ZMYND8: variants seen among roughly 807,000 people sequenced by gnomAD.
ZMYND8 encodes the protein MYND-type zinc finger-containing chromatin reader ZMYND8.
A neutral mutation model predicts 140.8 loss-of-function variants in ZMYND8; 37 were observed. The observed-to-expected ratio is 0.26, with a 90% confidence interval of 0.20 to 0.35. The LOEUF (loss-of-function observed/expected upper bound fraction) is 0.35, where lower values mean the gene tolerates loss of function less well. Among genes scored for constraint, ZMYND8 ranks in the 10% least tolerant of loss-of-function variants. The pLI, the probability that ZMYND8 is intolerant of heterozygous loss-of-function variation, is 1.00. For synonymous variants in ZMYND8, 592 were observed against 597.1 expected, an observed-to-expected ratio of 0.99 and a Z score of 0.12; for missense variants, 1,068 against 1,570.0, an observed-to-expected ratio of 0.68 and a Z score of 5.40.
At chr20:47,253,506 C>T (rs944666589) in intron 12 of ZMYND8, among the ~76,000 whole-genome samples, 2 of 149,326 alleles carry the variant, frequency 1.3e-5, no homozygotes, top group Non-Finnish European at 3.0e-5. Flanking sequence ...CACTGCACTC[C>T]AGCCTGGGCA....
intron 10 of ZMYND8, among the ~76,000 whole-genome samples, chr20:47,280,041 T>C (rs2076506592): frequency 1.3e-5 from 2 of 148,522 alleles, no homozygotes; most frequent in Admixed American, 6.8e-5. Flanking sequence ...GGAGAATGGC[T>C]GAATCCGGGA....
rs764785975 is a variant in ZMYND8, at chr20:47,249,294, T to A, written c.1767A>T (p.Ala589=). 1 of 1,612,324 alleles carries A rather than the reference T, an allele frequency of 6.2e-7. No homozygotes were observed. Among genetic ancestry groups the A allele is most frequent in the East Asian group, 2.2e-5 (1 of 44,876 alleles). The change falls in exon 13 of 23, where the codon GCA becomes GCT. Residue 589 remains alanine, a synonymous_variant. Transcript: ENST00000471951. ...NLDKTIESCK[A]QLGINEISED... ...ACAAAACCAAAGGTATACCTAATTG[T>A]GCTTTGCAACTCTCTATGGTCTTGT...
intron 17 of ZMYND8, 142 bp downstream of exon 17, chr20:47,229,584 G>A (rs1344748066): frequency 8.4e-6 from 6 of 713,132 alleles, no homozygotes; most frequent in African/African-American, 1.8e-5. Context: ...TACCCCCATC[G>A]ATAATGACAA....
chr20:47,335,985 A>G, intron 2 of ZMYND8, among the ~76,000 whole-genome samples: 1 of 152,242 alleles, frequency 6.6e-6, no homozygotes. Flanking sequence ...TGTCAGAGAT[A>G]GAGAGGAGCC....
At chr20:47,349,866 G>T in intron 1 of ZMYND8, 1 of 1,535,624 alleles carries the variant, frequency 6.5e-7, no homozygotes, top group Non-Finnish European at 8.7e-7. Flanking sequence ...CCCACTTGAA[G>T]GATTTCTGCA....
intron 6 of ZMYND8, among the ~76,000 whole-genome samples, chr20:47,291,534 C>T (rs1458703358): frequency 1.3e-5 from 2 of 152,230 alleles, no homozygotes; most frequent in Non-Finnish European, 2.9e-5. Flanking sequence ...GAAGCTATGG[C>T]TTTTGCAGGT....
intron 3 of ZMYND8, among the ~76,000 whole-genome samples, chr20:47,302,135 C>A (rs575851936): frequency 1.3e-5 from 2 of 152,262 alleles, no homozygotes; most frequent in African/African-American, 4.8e-5. Context: ...TCTTCATTAG[C>A]AGCATGAGAA....
chr20:47,294,049 A>G (rs1370718105), intron 5 of ZMYND8, among the ~76,000 whole-genome samples: 1 of 152,010 alleles, frequency 6.6e-6, no homozygotes, highest in Non-Finnish European at 1.5e-5. Context: ...ACTGTGAGTC[A>G]ATTAAACCTC....
At chr20:47,224,081 A>T (rs1890149743) in intron 19 of ZMYND8, among the ~76,000 whole-genome samples, 1 of 152,242 alleles carries the variant, frequency 6.6e-6, no homozygotes, top group Admixed American at 6.5e-5. Flanking sequence ...TTTAGGCCTG[A>T]GAAGAGATCA....
chr20:47,316,824 A>G (rs1178096228), intron 2 of ZMYND8, among the ~76,000 whole-genome samples: 2 of 151,532 alleles, frequency 1.3e-5, no homozygotes, highest in African/African-American at 2.4e-5. Context: ...GAAAGCTAAG[A>G]GTTTCTTTTA....
At chr20:47,231,688 C>A (rs2038506598) in intron 16 of ZMYND8, among the ~76,000 whole-genome samples, 1 of 152,236 alleles carries the variant, frequency 6.6e-6, no homozygotes, top group African/African-American at 2.4e-5. Flanking sequence ...CCACACCAGG[C>A]CGTTGCCAGC....
intron 8 of ZMYND8, chr20:47,285,767 G>A: frequency 2.0e-6 from 2 of 984,594 alleles, no homozygotes; most frequent in Non-Finnish European, 2.4e-6. Flanking sequence ...GAATGTCCAT[G>A]TGTTGTATGT....
At chr20:47,221,556 C>A (rs2036949993) in intron 19 of ZMYND8, 82 bp from the exon 20 acceptor site, 2 of 1,470,156 alleles carry the variant, frequency 1.4e-6, no homozygotes, top group Admixed American at 2.2e-5. Context: ...CCGCCCTGCA[C>A]CCAGTGGCAC....
At chr20:47,341,570 T>C (rs1303592223) in intron 2 of ZMYND8, among the ~76,000 whole-genome samples, 6 of 146,642 alleles carry the variant, frequency 4.1e-5, no homozygotes, top group Non-Finnish European at 9.0e-5. Context: ...GACATTCCAG[T>C]AGCAATGAGC....
chr20:47,333,641 G>A (rs2081134719), intron 2 of ZMYND8, among the ~76,000 whole-genome samples: 2 of 145,254 alleles, frequency 1.4e-5, no homozygotes, highest in Admixed American at 7.2e-5. Flanking sequence ...CAGGAGAATC[G>A]CTTGAACCTG....
intron 2 of ZMYND8, among the ~76,000 whole-genome samples, chr20:47,332,473 GC>G (rs1475101771): frequency 6.6e-6 from 1 of 152,130 alleles, no homozygotes; most frequent in African/African-American, 2.4e-5. Flanking sequence ...ACGTTGGCAG[GC>G]CAAGGCAGGA....
Position 47,220,129 on chromosome 20 carries a change from C to T in ZMYND8, c.3484+129G>A, listed in dbSNP as rs966392152. ...CTCACCCCCACTGACCCACCCCAGG[C>T]ACCCCTAAGGATCCATAATCGTTTG... is the stretch of plus-strand genomic sequence containing the variant. On this transcript the variant is annotated intron_variant, in intron 21 of 22. Transcript: ENST00000471951. 5.1e-5 allele frequency: 40 copies of T among 780,946 alleles called. 1 individual carries two copies. Among genetic ancestry groups the T allele is most frequent in the South Asian group, 7.1e-5 (4 of 56,110 alleles). The allele number at this position is 780,946 out of a possible 1,614,324, so 48.4% of individuals were successfully genotyped here. A position where few individuals can be genotyped will look rare whatever the true frequency, so the allele number is the denominator to read the frequency against.
Position 47,310,116 on chromosome 20 carries a change from T to A in ZMYND8, c.174A>T (p.Ser58=). ...SSNGHSPQDT[S]TSPIKKKKKP... The stretch of plus-strand genomic sequence containing the variant: ...TCTTTTTCTTTTTAATGGGGCTTGT[T>A]GATGTGTCCTGCGGCGAGTGGCCAT... The change falls in exon 3 of 23, where the codon TCA becomes TCT. Residue 58 remains serine, a synonymous_variant. Transcript: ENST00000471951. 3.7e-6 allele frequency: 6 copies of A among 1,614,184 alleles called. No individual in the cohort carries two copies. The highest frequency in any genetic ancestry group is 5.1e-6 in the Non-Finnish European group (6 of 1,180,040).
intron 21 of ZMYND8, among the ~76,000 whole-genome samples, chr20:47,216,335 A>T (rs2036095150): frequency 6.6e-6 from 1 of 151,734 alleles, no homozygotes; most frequent in Non-Finnish European, 1.5e-5. Context: ...CTCTATTAAA[A>T]ATACAAAAAA....
Sources: gnomAD v4.1 joint callset for allele counts (sites outside exome capture counted in the v4.1 genomes callset) on GRCh38, gnomAD v4.1.1 for gene constraint, MANE v1.5 for transcripts, NCBI Gene and HGNC (gene_info 2026-07-23, HGNC 2026-07-21) for gene names.